PABPC4L: variants seen among roughly 807,000 people sequenced by gnomAD.
PABPC4L encodes the protein polyadenylate-binding protein 4-like.
For synonymous variants in PABPC4L, 169 were observed against 164.1 expected (o/e 1.03, Z -0.23); for missense variants, 452 against 451.4 (o/e 1.00, Z -0.01).
In PABPC4L at chr4:134,201,256, G is replaced by A; in HGVS notation, c.-226-11C>T. ...GACGCGGCAACAGAACTGTGAAATCGCAAAGAGAGATTATTAGGACAAGAC... is the reference window on the plus strand; with the variant it reads ...GACGCGGCAACAGAACTGTGAAATCACAAAGAGAGATTATTAGGACAAGAC... On this transcript the variant is annotated splice_polypyrimidine_tract_variant and intron_variant, in intron 1 of 1. Coordinates refer to ENST00000421491, the MANE Select transcript of PABPC4L (RefSeq NM_001114734.2). 6.6e-7 allele frequency: 1 copy of A among 1,510,396 alleles called. No homozygotes were observed. Among genetic ancestry groups the A allele is most frequent in the Middle Eastern group, 2.2e-4 (1 of 4,640 alleles). The allele number at this position is 1,510,396 out of a possible 1,614,324, so 93.6% of individuals were successfully genotyped here.
the PABPC4L span, among the ~76,000 whole-genome samples, chr4:133,995,189 A>G: frequency 6.6e-6 from 1 of 152,152 alleles, no homozygotes; most frequent in South Asian, 2.1e-4. Flanking sequence ...GATTTGCCAA[A>G]TGTTTCCCCT....
At chr4:134,178,968 C>A in the PABPC4L span, among the ~76,000 whole-genome samples, 1 of 152,070 alleles carries the variant, frequency 6.6e-6, no homozygotes, top group Non-Finnish European at 1.5e-5. Context: ...ACTTAAAACA[C>A]ATATTTCAGG....
chr4:133,968,003 A>G, the PABPC4L span, among the ~76,000 whole-genome samples: 2 of 152,252 alleles, frequency 1.3e-5, no homozygotes, highest in African/African-American at 4.8e-5. Context: ...AGAGTGTAAC[A>G]GATTCCTTTA....
chr4:134,052,752 T>G, the PABPC4L span, among the ~76,000 whole-genome samples: 1 of 152,070 alleles, frequency 6.6e-6, no homozygotes, highest in African/African-American at 2.4e-5. Flanking sequence ...TGGGAAAGGA[T>G]ACAGTCATCA....
the PABPC4L span, among the ~76,000 whole-genome samples, chr4:133,974,807 C>T: frequency 6.6e-6 from 1 of 152,076 alleles, no homozygotes; most frequent in African/African-American, 2.4e-5. Flanking sequence ...TACCACTCGA[C>T]ACCTACTAAT....
chr4:134,100,660 T>C, the PABPC4L span, among the ~76,000 whole-genome samples: 1 of 151,608 alleles, frequency 6.6e-6, no homozygotes, highest in South Asian at 2.1e-4. Context: ...GTATTCTGGG[T>C]TATATAGTAC....
chr4:134,194,438 G>A (rs1017466172), downstream of PABPC4L, among the ~76,000 whole-genome samples: 1 of 151,542 alleles, frequency 6.6e-6, no homozygotes, highest in Non-Finnish European at 1.5e-5. Flanking sequence ...TCTCGGTCAA[G>A]GATATTTTTG....
the PABPC4L span, among the ~76,000 whole-genome samples, chr4:134,044,599 A>C: frequency 6.6e-6 from 1 of 152,234 alleles, no homozygotes; most frequent in Admixed American, 6.5e-5. Context: ...CACCACCACT[A>C]ATTTTAGACA....
At chr4:134,148,983 A>G in the PABPC4L span, among the ~76,000 whole-genome samples, 1 of 152,246 alleles carries the variant, frequency 6.6e-6, no homozygotes, top group African/African-American at 2.4e-5. Flanking sequence ...TCTCAATTGC[A>G]TCACTGGGTA....
At position 134,200,241 on chromosome 4, in the gene PABPC4L, A is replaced by C. The variant is rs754793290; in HGVS notation, c.779T>G (p.Ile260Ser). Residue 260 changes from isoleucine (I) to serine (S), a missense_variant, in exon 2 of 2, where the codon ATT (isoleucine) becomes AGT (serine). Physicochemically the swap from Ile to Ser is moderately radical, Grantham distance 142 (BLOSUM62 -2). Transcript: ENST00000421491. ...TTTCTTTTGAGCCCGGCCTACAAAAATCAGCTGCCCATTTATGTCCCTTCC... is the reference window on the plus strand; with the variant it reads ...TTTCTTTTGAGCCCGGCCTACAAAACTCAGCTGCCCATTTATGTCCCTTCC... ...MNGRDINGQL[I>S]FVGRAQKKVE... 7.1e-6 allele frequency: 11 copies of C among 1,552,930 alleles called. No homozygotes were observed. The East Asian group carries it at 2.2e-4, about 31-fold the overall frequency.
the PABPC4L span, among the ~76,000 whole-genome samples, chr4:134,085,951 T>C: frequency 6.6e-6 from 1 of 152,164 alleles, no homozygotes; most frequent in Admixed American, 6.5e-5. Context: ...GGTATAAATA[T>C]GTTCTGCTAT....
the PABPC4L span, among the ~76,000 whole-genome samples, chr4:133,986,337 A>G: frequency 6.6e-6 from 1 of 152,074 alleles, no homozygotes; most frequent in Non-Finnish European, 1.5e-5. Context: ...ACAAACCAGA[A>G]GCAGAATAAA....
the PABPC4L span, among the ~76,000 whole-genome samples, chr4:134,144,817 T>G: frequency 6.6e-6 from 1 of 151,690 alleles, no homozygotes; most frequent in East Asian, 1.9e-4. Context: ...AAAATGCATT[T>G]TTTAGTTATT....
At chr4:134,024,404 G>T in the PABPC4L span, among the ~76,000 whole-genome samples, 1 of 152,036 alleles carries the variant, frequency 6.6e-6, no homozygotes, top group Non-Finnish European at 1.5e-5. Context: ...CAGAATCAAG[G>T]TCTTATCAGT....
the PABPC4L span, among the ~76,000 whole-genome samples, chr4:134,166,167 T>C: frequency 1.8e-4 from 27 of 152,068 alleles, no homozygotes; most frequent in African/African-American, 4.8e-5. Context: ...AAAACCTACA[T>C]ATTGGATACA....
chr4:134,070,144 C>T, the PABPC4L span, among the ~76,000 whole-genome samples: 2 of 151,820 alleles, frequency 1.3e-5, no homozygotes, highest in Non-Finnish European at 2.9e-5. Context: ...CATGTTGGTC[C>T]CCAGCTTTGT....
At chr4:133,998,562 AT>A in the PABPC4L span, among the ~76,000 whole-genome samples, 1 of 152,034 alleles carries the variant, frequency 6.6e-6, no homozygotes, top group Non-Finnish European at 1.5e-5. Context: ...TTATAAACCC[AT>A]TACCCTAGAA....
At chr4:134,134,220 A>T in the PABPC4L span, among the ~76,000 whole-genome samples, 1 of 152,062 alleles carries the variant, frequency 6.6e-6, no homozygotes, top group Non-Finnish European at 1.5e-5. Context: ...ATGAGTTTAA[A>T]ATTCATTCTT....
At chr4:134,103,113 C>T in the PABPC4L span, among the ~76,000 whole-genome samples, 3 of 151,168 alleles carry the variant, frequency 2.0e-5, no homozygotes, top group Admixed American at 6.6e-5. Flanking sequence ...TCTTAAAGTT[C>T]CACAGCAAGA....
Sources: gnomAD v4.1 joint callset for allele counts (sites outside exome capture counted in the v4.1 genomes callset) on GRCh38, gnomAD v4.1.1 for gene constraint, MANE v1.5 for transcripts, NCBI Gene and HGNC (gene_info 2026-07-23, HGNC 2026-07-21) for gene names.